CADPS2: variants seen among roughly 807,000 people sequenced by gnomAD.
CADPS2 encodes the protein calcium dependent secretion activator 2, also known as calcium-dependent secretion activator 2.
A neutral mutation model predicts 172.5 loss-of-function variants in CADPS2; 93 were observed. The observed-to-expected ratio is 0.54, with a 90% CI of 0.46 to 0.64. CADPS2 has a LOEUF of 0.64. Ranked by LOEUF, CADPS2 falls within the 30% of genes least tolerant of loss-of-function variation. The pLI is 0.00. For synonymous variants in CADPS2, 546 were observed against 555.2 expected (o/e 0.98, Z 0.23); for missense variants, 1,420 against 1,565.9 (o/e 0.91, Z 1.57).
At chr7:122,433,902 TG>T (rs2050302124) in intron 17 of CADPS2, among the ~76,000 whole-genome samples, 1 of 152,142 alleles carries the variant, frequency 6.6e-6, no homozygotes, top group Non-Finnish European at 1.5e-5. Flanking sequence ...ACTCTACACA[TG>T]GCCTCTGCCC....
At chr7:122,842,095 C>T (rs1331669791) in intron 1 of CADPS2, among the ~76,000 whole-genome samples, 3 of 152,212 alleles carry the variant, frequency 2.0e-5, no homozygotes, top group Admixed American at 1.3e-4. Context: ...GGAATAGTCA[C>T]ACATGTGGTT....
intron 17 of CADPS2, among the ~76,000 whole-genome samples, chr7:122,434,725 T>C (rs969095520): frequency 6.6e-6 from 1 of 152,212 alleles, no homozygotes; most frequent in African/African-American, 2.4e-5. Context: ...CGTTAAAAAA[T>C]TCAGCGACTC....
intron 29 of CADPS2, 141 bp downstream of exon 29, chr7:122,325,336 C>T (rs148239938): frequency 1.5e-5 from 8 of 536,224 alleles, no homozygotes; most frequent in East Asian, 6.0e-5. Flanking sequence ...TCTAACTAAA[C>T]GTGGAAGTAA....
chr7:122,877,905 T>G (rs1821646359), intron 1 of CADPS2, among the ~76,000 whole-genome samples: 1 of 152,162 alleles, frequency 6.6e-6, no homozygotes, highest in Non-Finnish European at 1.5e-5. Flanking sequence ...AAAGACGAAG[T>G]GCCTTGTTCA....
At chr7:122,665,432 T>C (rs536511287) in intron 2 of CADPS2, among the ~76,000 whole-genome samples, 1 of 152,196 alleles carries the variant, frequency 6.6e-6, no homozygotes, top group Admixed American at 6.5e-5. Context: ...AAATTCTGCA[T>C]TGTCAAATAA....
intron 1 of CADPS2, among the ~76,000 whole-genome samples, chr7:122,838,647 G>C (rs1317331704): frequency 2.6e-5 from 4 of 152,154 alleles, no homozygotes. Context: ...GACAAACAGA[G>C]AGTCAAATCA....
intron 1 of CADPS2, among the ~76,000 whole-genome samples, chr7:122,760,079 T>C (rs2093326275): frequency 6.6e-6 from 1 of 151,876 alleles, no homozygotes; most frequent in Non-Finnish European, 1.5e-5. Flanking sequence ...CAGTCTATAC[T>C]AGAATCAATA....
intron 8 of CADPS2, among the ~76,000 whole-genome samples, chr7:122,519,983 T>C (rs373727641): frequency 5.9e-5 from 9 of 152,162 alleles, no homozygotes; most frequent in African/African-American, 2.2e-4. Context: ...CATATCTCAG[T>C]ACCTACAATC....
chr7:122,452,921 T>C (rs1381276793), intron 14 of CADPS2, among the ~76,000 whole-genome samples: 1 of 152,196 alleles, frequency 6.6e-6, no homozygotes, highest in Admixed American at 6.5e-5. Flanking sequence ...TTGATGCTTG[T>C]TAACTAGTCA....
intron 1 of CADPS2, among the ~76,000 whole-genome samples, chr7:122,839,284 T>C (rs1420547072): frequency 6.6e-6 from 1 of 151,786 alleles, no homozygotes; most frequent in Non-Finnish European, 1.5e-5. Context: ...TAATTCAAGA[T>C]GGATTAAAGA....
intron 25 of CADPS2, chr7:122,379,135 A>G (rs2042694473): frequency 2.7e-6 from 1 of 363,686 alleles, no homozygotes; most frequent in African/African-American, 2.1e-5. Flanking sequence ...GTTAGTTTTA[A>G]AATGACAACA....
At chr7:122,548,958 A>C (rs1473529811) in intron 8 of CADPS2, among the ~76,000 whole-genome samples, 2 of 152,220 alleles carry the variant, frequency 1.3e-5, no homozygotes, top group Non-Finnish European at 1.5e-5. Flanking sequence ...TGTAAATTAA[A>C]GTCTAACAAT....
At chr7:122,385,666 G>T (rs925221632) in intron 24 of CADPS2, among the ~76,000 whole-genome samples, 1 of 152,040 alleles carries the variant, frequency 6.6e-6, no homozygotes, top group Admixed American at 6.6e-5. Flanking sequence ...AGGACGAACT[G>T]TTGTGGAGGA....
intron 1 of CADPS2, among the ~76,000 whole-genome samples, chr7:122,833,580 G>A (rs1478319471): frequency 6.6e-6 from 1 of 151,774 alleles, no homozygotes. Context: ...AATTTTAGTA[G>A]AGATGGGGTT....
intron 1 of CADPS2, among the ~76,000 whole-genome samples, chr7:122,771,846 C>T (rs77046201): frequency 0.015 from 2,237 of 152,244 alleles, 53 homozygotes; most frequent in African/African-American, 0.051. Context: ...GGAAATAACA[C>T]AGAAAAAGAG....
At chr7:122,769,773 C>T (rs779167453) in intron 1 of CADPS2, among the ~76,000 whole-genome samples, 1 of 152,140 alleles carries the variant, frequency 6.6e-6, no homozygotes, top group Non-Finnish European at 1.5e-5. Context: ...CAGGTTTGAA[C>T]CTACCAATTG....
At chr7:122,560,280 GA>G (rs1183724839) in intron 7 of CADPS2, among the ~76,000 whole-genome samples, 1 of 152,188 alleles carries the variant, frequency 6.6e-6, no homozygotes, top group Non-Finnish European at 1.5e-5. Flanking sequence ...GGAGATACCA[GA>G]AGGTTAAGCT....
intron 15 of CADPS2, among the ~76,000 whole-genome samples, chr7:122,451,051 C>A (rs1033342111): frequency 1.3e-5 from 2 of 152,124 alleles, no homozygotes; most frequent in Non-Finnish European, 2.9e-5. Flanking sequence ...GGCTCCTTAC[C>A]TGGTAATACA....
intron 2 of CADPS2, among the ~76,000 whole-genome samples, chr7:122,689,227 G>A (rs996869533): frequency 1.3e-5 from 2 of 152,022 alleles, no homozygotes; most frequent in African/African-American, 4.8e-5. Context: ...TAACCTCCTG[G>A]GACACCCCTT....
Sources: gnomAD v4.1 joint callset for allele counts (sites outside exome capture counted in the v4.1 genomes callset) on GRCh38, gnomAD v4.1.1 for gene constraint, MANE v1.5 for transcripts, NCBI Gene and HGNC (gene_info 2026-07-23, HGNC 2026-07-21) for gene names.